NCMAP: variants seen among roughly 807,000 people sequenced by gnomAD.
NCMAP encodes the protein noncompact myelin-associated protein.
Under a neutral mutation model 7.8 loss-of-function variants are expected in NCMAP, and 8 were observed. The ratio of observed to expected loss-of-function variants is 1.02; its 90% CI spans 0.60 to 1.84. NCMAP has a LOEUF of 1.84. Among genes scored for constraint, NCMAP ranks in the 40% most tolerant of loss-of-function variants. NCMAP has a pLI of 0.00. For synonymous variants in NCMAP, 41 were observed against 52.9 expected (o/e 0.78, Z 0.98); for missense variants, 112 against 131.4 (o/e 0.85, Z 0.72).
chr1:24,584,103 G>A (rs997295151), intron 1 of NCMAP, among the ~76,000 whole-genome samples: 1 of 152,156 alleles, frequency 6.6e-6, no homozygotes, highest in African/African-American at 2.4e-5. Context: ...CATATTCACT[G>A]AGGGGCATAA....
Position 24,576,062 on chromosome 1 carries a change from C to T in NCMAP, c.-7-19362C>T, listed in dbSNP as rs950778200. On this transcript the variant is annotated intron_variant, in intron 1 of 3. Transcript: ENST00000374392. The surrounding 1 kb of genome is among the most constrained non-coding windows in gnomAD (Gnocchi z 4.0). ...TCCTCTCTGCACAGCCGCATTGCCC[C>T]GTCCAGAGCTTCTCCTGCCCTCCCT... Among the ~76,000 whole-genome samples, 6 of 152,102 alleles carry T rather than the reference C, an allele frequency of 3.9e-5. No individual in the cohort carries two copies. Among genetic ancestry groups the T allele is most frequent in the Admixed American group, 1.3e-4 (2 of 15,262 alleles).
intron 1 of NCMAP, among the ~76,000 whole-genome samples, chr1:24,592,665 T>A (rs901546092): frequency 1.3e-5 from 2 of 152,126 alleles, no homozygotes; most frequent in African/African-American, 4.8e-5. Context: ...ACACCTGTAA[T>A]CCCAGCATTT....
At chr1:24,597,523 GGGGGGGGA>G (rs1184239781) in intron 2 of NCMAP, among the ~76,000 whole-genome samples, 1 of 69,144 alleles carries the variant, frequency 1.4e-5, no homozygotes, top group Non-Finnish European at 3.1e-5. Context: ...GAAGGAAGGG[GGGGGGGGA>G]GGGGGAGGGG....
intron 1 of NCMAP, among the ~76,000 whole-genome samples, chr1:24,561,178 CAAAAAA>C (rs755072214): frequency 2.9e-4 from 30 of 103,868 alleles, no homozygotes; most frequent in Admixed American, 1.8e-3. Context: ...ACTAAAAATA[CAAAAAA>C]AAAAAAAAAA....
rs137889507 is a variant in NCMAP, at chr1:24,595,241, G to A, written c.-7-183G>A. ...AAAAACAAAGTTCCTTACAAATGTC[G>A]GGTATTAGTATTAAATCCCCACCCA... On this transcript the variant is annotated intron_variant, in intron 1 of 3. Transcript: ENST00000374392. 7.4e-3 allele frequency among the ~76,000 whole-genome samples: 1,129 copies of A among 152,258 alleles called. 24 individuals carry two copies. Among genetic ancestry groups the A allele is most frequent in the Middle Eastern group, 0.048 (14 of 294 alleles).
intron 1 of NCMAP, among the ~76,000 whole-genome samples, chr1:24,574,834 C>T (rs942332733): frequency 3.4e-5 from 5 of 145,530 alleles, no homozygotes; most frequent in African/African-American, 1.0e-4. Flanking sequence ...CTCACACTGT[C>T]GCCCAGTCTG....
chr1:24,575,716 C>T (rs1170887791), intron 1 of NCMAP, among the ~76,000 whole-genome samples: 1 of 151,864 alleles, frequency 6.6e-6, no homozygotes, highest in Non-Finnish European at 1.5e-5. Context: ...GAGGCCGAGG[C>T]GGCTGGATCA....
At chr1:24,559,867 A>C (rs910011278) in intron 1 of NCMAP, among the ~76,000 whole-genome samples, 4 of 152,242 alleles carry the variant, frequency 2.6e-5, no homozygotes, top group Admixed American at 1.3e-4. Flanking sequence ...GCAATCATCT[A>C]TTAAGAATTT....
intron 3 of NCMAP, 140 bp downstream of exon 3, chr1:24,601,164 C>A: frequency 1.5e-6 from 1 of 658,816 alleles, no homozygotes; most frequent in Admixed American, 2.6e-5. Context: ...CCTTGGGGAT[C>A]CTTTTTGCAG....
In NCMAP at chr1:24,605,623, G is replaced by T; in HGVS notation, c.185G>T (p.Arg62Leu). The T allele has an allele frequency of 6.2e-7, 1 of 1,614,190 alleles. No individual in the cohort carries two copies. The highest frequency in any genetic ancestry group is 8.5e-7 in the Non-Finnish European group (1 of 1,180,040). ...CCCTACAGGAAAATGAGGACGAGGC[G>T]GGAACTAGAGCCCAAGGGCCCCAAG... ...KMYNRKMRTR[R>L]ELEPKGPKPT... Residue 62 changes from arginine to leucine, a missense_variant, in exon 4 of 4, where the codon CGG becomes CTG. Arg to Leu is a moderately radical substitution (Grantham distance 102). Transcript: ENST00000374392.
intron 2 of NCMAP, among the ~76,000 whole-genome samples, chr1:24,598,560 G>A (rs1652339349): frequency 6.6e-6 from 1 of 151,932 alleles, no homozygotes; most frequent in Non-Finnish European, 1.5e-5. Flanking sequence ...TTTAATGGTT[G>A]TAACATATAC....
At chr1:24,556,394 T>C (rs982910228) in intron 1 of NCMAP, among the ~76,000 whole-genome samples, 1 of 152,088 alleles carries the variant, frequency 6.6e-6, no homozygotes, top group African/African-American at 2.4e-5. Flanking sequence ...AGGCTGATCA[T>C]CTCCAGTGGG....
At chr1:24,571,126 TC>T (rs1651377361) in intron 1 of NCMAP, among the ~76,000 whole-genome samples, 1 of 150,752 alleles carries the variant, frequency 6.6e-6, no homozygotes, top group South Asian at 2.1e-4. Flanking sequence ...TTTGGTGTTG[TC>T]CAATATAATG....
chr1:24,567,832 G>C (rs540252464), intron 1 of NCMAP, among the ~76,000 whole-genome samples: 3 of 152,276 alleles, frequency 2.0e-5, no homozygotes, highest in African/African-American at 7.2e-5. Flanking sequence ...AAGGAGCCAG[G>C]GTGTGGAGTA....
intron 1 of NCMAP, among the ~76,000 whole-genome samples, chr1:24,562,130 T>G (rs1024928217): frequency 1.3e-5 from 2 of 152,252 alleles, no homozygotes; most frequent in Non-Finnish European, 2.9e-5. Context: ...CTCCTAAGGG[T>G]AACTGGTTTG....
intron 1 of NCMAP, among the ~76,000 whole-genome samples, chr1:24,593,898 T>TTATC (rs1652130913): frequency 6.7e-6 from 1 of 149,850 alleles, no homozygotes; most frequent in Non-Finnish European, 1.5e-5. Flanking sequence ...ATTTATTTAT[T>TTATC]TATTTTTTAT....
chr1:24,594,024 C>T (rs1221444662), intron 1 of NCMAP, among the ~76,000 whole-genome samples: 4 of 148,746 alleles, frequency 2.7e-5, no homozygotes, highest in Admixed American at 6.9e-5. Context: ...CCCGAGTAGC[C>T]GGGATTACAG....
chr1:24,589,497 T>C (rs1651984264), intron 1 of NCMAP: 1 of 152,230 alleles, frequency 6.6e-6, no homozygotes, highest in Non-Finnish European at 1.5e-5. Flanking sequence ...CACTGTTCTC[T>C]GAGAGAGAAG....
rs570090131 is a variant in NCMAP at position 24,605,907 on chromosome 1, G to A, written c.*160G>A. ...GATGCTTCCAGCAATCCTCAACCTT[G>A]TCTGCCCTGCCCTACCCCAACTGTG... On this transcript the variant is annotated 3_prime_UTR_variant, in exon 4 of 4. Coordinates refer to ENST00000374392, the MANE Select transcript of NCMAP (RefSeq NM_001010980.5). 3.5e-6 allele frequency: 3 copies of A among 847,996 alleles called. No homozygotes were observed. The highest frequency in any genetic ancestry group is 5.4e-6 in the Non-Finnish European group (3 of 559,352). 52.5% of individuals were successfully genotyped at this position (847,996 alleles called of 1,614,324 possible).
Sources: gnomAD v4.1 joint callset for allele counts (sites outside exome capture counted in the v4.1 genomes callset) on GRCh38, gnomAD v4.1.1 for gene constraint, Gnocchi (gnomAD v3.1) non-coding constraint, MANE v1.5 for transcripts, NCBI Gene and HGNC (gene_info 2026-07-23, HGNC 2026-07-21) for gene names.